The following ZFYVE9 variants were observed in gnomAD, a reference collection of about 807,000 sequenced individuals.
ZFYVE9 encodes zinc finger FYVE domain-containing protein 9.
ZFYVE9 carries 43 observed loss-of-function variants against 126.7 expected under a neutral mutation model. The observed-to-expected ratio is 0.34, with a 90% CI of 0.27 to 0.44. The LOEUF (loss-of-function observed/expected upper bound fraction) is 0.44. ZFYVE9 is among the 20% of genes least tolerant of loss of function. The probability of loss-of-function intolerance (pLI) is 1.00; values close to 1 mark genes in which losing one functional copy is unlikely to be tolerated. For synonymous variants in ZFYVE9, 521 were observed against 597.4 expected (o/e 0.87, Z 1.87); for missense variants, 1,476 against 1,697.0 (o/e 0.87, Z 2.29).
At chr1:52,252,808 C>T (rs1645464572) in intron 4 of ZFYVE9, 6 of 355,548 alleles carry the variant, frequency 1.7e-5, no homozygotes, top group Non-Finnish European at 3.5e-5. Context: ...GAGCATGGCT[C>T]ATCCCAGCCC....
rs376195228 is a variant in ZFYVE9 at position 52,196,551 on chromosome 1, C to T, written c.-142-19818C>T. On this transcript the variant is annotated intron_variant, in intron 1 of 18. Coordinates refer to ENST00000287727, the MANE Select transcript of ZFYVE9 (RefSeq NM_004799.4). ...ACTCGGGAGGCTGAGGCAGGAGAAT[C>T]GCTTGAACCCAGGAGGCAGAGGTTG... 4.6e-5 allele frequency among the ~76,000 whole-genome samples: 7 copies of T among 152,146 alleles called. No homozygotes were observed. In the East Asian group the frequency reaches 1.2e-3, roughly 25 times the overall value.
intron 9 of ZFYVE9, 98 bp downstream of exon 9, chr1:52,278,712 G>T: frequency 2.5e-6 from 2 of 795,540 alleles, no homozygotes; most frequent in Non-Finnish European, 3.8e-6. Flanking sequence ...TTTATATAGA[G>T]CCACATCTTT....
chr1:52,317,696 G>C (rs920581649), intron 13 of ZFYVE9, among the ~76,000 whole-genome samples: 2 of 152,144 alleles, frequency 1.3e-5, no homozygotes, highest in Non-Finnish European at 2.9e-5. Flanking sequence ...TAAACCTCTA[G>C]TTAGACTGAT....
chr1:52,330,927 C>T (rs1317827403), intron 13 of ZFYVE9, among the ~76,000 whole-genome samples: 1 of 152,062 alleles, frequency 6.6e-6, no homozygotes, highest in Non-Finnish European at 1.5e-5. Flanking sequence ...AGTGTAGTAG[C>T]GCAATCTTGG....
intron 7 of ZFYVE9, among the ~76,000 whole-genome samples, chr1:52,269,146 T>G (rs1273983322): frequency 6.6e-6 from 1 of 152,134 alleles, no homozygotes; most frequent in Non-Finnish European, 1.5e-5. Flanking sequence ...TTTTTTTTCT[T>G]TTTTTGAGAT....
At chr1:52,153,380 G>A (rs1644374428) in intron 1 of ZFYVE9, among the ~76,000 whole-genome samples, 1 of 152,166 alleles carries the variant, frequency 6.6e-6, no homozygotes, top group African/African-American at 2.4e-5. Context: ...TCTCCACTAT[G>A]TAGTCTAAAT....
rs1644275131 is a variant in ZFYVE9, at chr1:52,142,999, A to C, written c.-143+596A>C. ...AAATTTCATCACCTGCCGGTTGCTC[A>C]TTCCTGCCTCTTTATATTATATCTT... On this transcript the variant is annotated intron_variant, in intron 1 of 18. Transcript: ENST00000287727. This position sits in a 1 kb window ranked among gnomAD's most constrained non-coding sequence, Gnocchi z 4.5. Among the ~76,000 whole-genome samples the C allele has an allele frequency of 6.6e-6, 1 of 152,122 alleles. No individual in the cohort carries two copies. Among genetic ancestry groups the C allele is most frequent in the Non-Finnish European group, 1.5e-5 (1 of 68,030 alleles).
intron 1 of ZFYVE9, among the ~76,000 whole-genome samples, chr1:52,210,728 C>T (rs1645020378): frequency 6.6e-6 from 1 of 152,154 alleles, no homozygotes; most frequent in Admixed American, 6.5e-5. Context: ...AATCTTGGCT[C>T]ACTGCAACCT....
At chr1:52,333,073 T>G (rs1231065607) in intron 14 of ZFYVE9, among the ~76,000 whole-genome samples, 155 bp downstream of exon 14, 1 of 152,126 alleles carries the variant, frequency 6.6e-6, no homozygotes, top group Non-Finnish European at 1.5e-5. Flanking sequence ...TTATGTTGAC[T>G]CCCCAAGTGG....
intron 1 of ZFYVE9, among the ~76,000 whole-genome samples, chr1:52,148,601 T>C (rs1460783522): frequency 6.6e-6 from 1 of 151,304 alleles, no homozygotes; most frequent in Non-Finnish European, 1.5e-5. Flanking sequence ...GTGTGAGGAC[T>C]TCAGCTGTAT....
At chr1:52,165,850 TA>T (rs1316328006) in intron 1 of ZFYVE9, among the ~76,000 whole-genome samples, 1 of 152,218 alleles carries the variant, frequency 6.6e-6, no homozygotes, top group African/African-American at 2.4e-5. Flanking sequence ...ATATAAATAA[TA>T]ACAGCAAATT....
intron 3 of ZFYVE9, among the ~76,000 whole-genome samples, chr1:52,234,638 G>T (rs1245844330): frequency 6.6e-6 from 1 of 152,174 alleles, no homozygotes; most frequent in African/African-American, 2.4e-5. Context: ...AAGGAAGAGA[G>T]AGAGGAAGGC....
intron 13 of ZFYVE9, among the ~76,000 whole-genome samples, chr1:52,305,276 A>C (rs1646071739): frequency 6.6e-6 from 1 of 152,116 alleles, no homozygotes; most frequent in Non-Finnish European, 1.5e-5. Context: ...CCCCGTCTCT[A>C]CTAAAAATAC....
intron 1 of ZFYVE9, chr1:52,162,145 AG>A (rs1362117810): frequency 1.1e-5 from 2 of 183,994 alleles, no homozygotes; most frequent in Non-Finnish European, 2.4e-5. Flanking sequence ...GAAAATAAAG[AG>A]GAAAAAAATG....
intron 2 of ZFYVE9, among the ~76,000 whole-genome samples, chr1:52,222,995 G>T (rs186288543): frequency 2.2e-3 from 338 of 152,252 alleles, no homozygotes; most frequent in Non-Finnish European, 4.0e-3. Context: ...CCCTGAGACA[G>T]TATGGTTTTC....
At position 52,239,141 on chromosome 1, in the gene ZFYVE9, C is replaced by T; in HGVS notation, c.1724C>T (p.Pro575Leu). ...GCAAGCCTGCCATCTATCAGTGTTC[C>T]TTTTGGTGGTGCAAGACCCAAGCAA... is the stretch of plus-strand genomic sequence containing the variant. Reference protein sequence around the residue: ...VVASLPSISVPFGGARPKQPS... With the variant: ...VVASLPSISVLFGGARPKQPS... The change falls in exon 4 of 19, where the codon CCT (proline) becomes CTT (leucine). Residue 575 changes from proline to leucine, a missense_variant. Pro to Leu is a moderately conservative substitution (Grantham distance 98). Coordinates refer to ENST00000287727, the MANE Select transcript of ZFYVE9 (RefSeq NM_004799.4). 1 of 1,614,086 alleles carries T rather than the reference C, an allele frequency of 6.2e-7. No individual in the cohort carries two copies. The highest frequency in any genetic ancestry group is 8.5e-7 in the Non-Finnish European group (1 of 1,179,998).
chr1:52,334,566 G>T (rs961068852), intron 14 of ZFYVE9, 122 bp from the exon 15 acceptor site: 57 of 968,460 alleles, frequency 5.9e-5, no homozygotes, highest in Non-Finnish European at 5.3e-5. Context: ...ATATAGATTT[G>T]ATTTTTTAAA....
At chr1:52,307,726 T>G (rs1378807518) in intron 13 of ZFYVE9, among the ~76,000 whole-genome samples, 1 of 152,016 alleles carries the variant, frequency 6.6e-6, no homozygotes, top group Non-Finnish European at 1.5e-5. Flanking sequence ...CTTACCTGAT[T>G]AGCAAACTGA....
At chr1:52,179,717 A>G in intron 1 of ZFYVE9, 1 of 359,388 alleles carries the variant, frequency 2.8e-6, no homozygotes, top group South Asian at 3.6e-5. Flanking sequence ...AAATCAATAG[A>G]GAGTATCAAG....
Sources: gnomAD v4.1 joint callset for allele counts (sites outside exome capture counted in the v4.1 genomes callset) on GRCh38, gnomAD v4.1.1 for gene constraint, Gnocchi (gnomAD v3.1) non-coding constraint, MANE v1.5 for transcripts, NCBI Gene and HGNC (gene_info 2026-07-23, HGNC 2026-07-21) for gene names.